TBCD: variants seen among roughly 807,000 people sequenced by gnomAD.
TBCD encodes tubulin folding cofactor D, also known as tubulin-specific chaperone D.
A neutral mutation model predicts 169.3 loss-of-function variants in TBCD; 105 were observed. The observed-to-expected ratio is 0.62, with a 90% CI of 0.53 to 0.73. TBCD has a LOEUF of 0.73. Among genes scored for constraint, TBCD ranks in the 30% least tolerant of loss-of-function variants. TBCD has a pLI of 0.00. For missense variants in TBCD, 1,444 were observed against 1,600.1 expected (o/e 0.90, Z 1.66); for synonymous variants, 700 against 643.9 (o/e 1.09, Z -1.32).
chr17:82,845,183 T>C lies in TBCD; in HGVS notation c.1319-25041T>C, dbSNP rs1158187285. 2.0e-5 allele frequency among the ~76,000 whole-genome samples: 3 copies of C among 152,192 alleles called. No individual in the cohort carries two copies. The East Asian group carries it at 5.8e-4, about 29-fold the overall frequency. On this transcript the variant is annotated intron_variant, in intron 13 of 38. Transcript: ENST00000355528. ...AAGTGCAGTCCTGGTTGAGCTTTCC[T>C]AGTTTCCAGGTCGGGGGTGAGGCAC...
chr17:82,945,658 G>A lies in TBCD; in HGVS notation c.*3195G>A, dbSNP rs2063649142. On this transcript the variant is annotated 3_prime_UTR_variant, in exon 39 of 39. Coordinates refer to ENST00000355528, the MANE Select transcript of TBCD (RefSeq NM_005993.5). ...ATCTTGGCTTAATATTTGGGGTTGA[G>A]TCATTTGTTTTGAGAGCTGTCCTGT... The A allele has an allele frequency of 6.6e-6, 1 of 152,188 alleles. No homozygotes were observed. The highest frequency in any genetic ancestry group is 1.5e-5 in the Non-Finnish European group (1 of 68,040). 9.4% of individuals were successfully genotyped at this position (152,188 alleles called of 1,614,324 possible). A position where few individuals can be genotyped will look rare whatever the true frequency, so the allele number is the denominator to read the frequency against.
intron 33 of TBCD, among the ~76,000 whole-genome samples, chr17:82,931,763 C>A (rs923515976): frequency 1.3e-5 from 2 of 152,196 alleles, no homozygotes; most frequent in Non-Finnish European, 2.9e-5. Context: ...ATGCTCCTGT[C>A]GCCCAGAGGG....
intron 14 of TBCD, among the ~76,000 whole-genome samples, chr17:82,877,235 A>G (rs11650335): frequency 0.26 from 40,220 of 152,204 alleles, 6,051 homozygotes; most frequent in Admixed American, 0.34. Context: ...GTGGCTTTAC[A>G]GGTTTCAAAA....
intron 13 of TBCD, among the ~76,000 whole-genome samples, chr17:82,818,164 T>C (rs1220601779): frequency 6.6e-6 from 1 of 152,240 alleles, no homozygotes. Context: ...GTTCAGAAAC[T>C]GACACGTGAT....
chr17:82,877,063 GTAATT>G, intron 14 of TBCD: 1 of 785,292 alleles, frequency 1.3e-6, no homozygotes, highest in Non-Finnish European at 1.5e-6. Context: ...TTTAAATATA[GTAATT>G]TAAACAAATA....
At position 82,893,627 on chromosome 17, in the gene TBCD, T is replaced by C. The variant is rs1249789515; in HGVS notation, c.1644T>C (p.Val548=). The part of the protein sequence containing the change: ...AVGNRSNCFL[V]ISVFIAGFPE... ...GTAACAGATCCAACTGTTTCCTGGT[T>C]ATAAGGTAAGTCTTTAATGTATATC... The change falls in exon 17 of 39, where the codon GTT becomes GTC. Residue 548 remains valine (V), a synonymous_variant. Coordinates refer to ENST00000355528, the MANE Select transcript of TBCD (RefSeq NM_005993.5). 1 of 1,604,726 alleles carries C rather than the reference T, an allele frequency of 6.2e-7. No individual in the cohort carries two copies. The highest frequency in any genetic ancestry group is 1.1e-5 in the South Asian group (1 of 89,188).
rs1402319540 is a variant in TBCD, at chr17:82,782,790, T to TGTGGCGTCGTCCTGTCTGCG, written c.771+1098_771+1117dup. On this transcript the variant is annotated intron_variant, in intron 7 of 38. Coordinates refer to ENST00000355528, the MANE Select transcript of TBCD (RefSeq NM_005993.5). The surrounding 1 kb of genome is among the most constrained non-coding windows in gnomAD (Gnocchi z 5.1). ...CTATCCGCGGCGTTGTCTTCCTGTC[T>TGTGGCGTCGTCCTGTCTGCG]GTGGCGTCGTCCTGTCTGCGGTGGC... Among the ~76,000 whole-genome samples the TGTGGCGTCGTCCTGTCTGCG allele has an allele frequency of 4.0e-4, 60 of 150,498 alleles. No homozygotes were observed. The highest frequency in any genetic ancestry group is 9.8e-4 in the East Asian group (5 of 5,086).
At chr17:82,901,959 T>TA (rs1230830417) in intron 18 of TBCD, among the ~76,000 whole-genome samples, 8 of 152,318 alleles carry the variant, frequency 5.3e-5, no homozygotes, top group African/African-American at 1.9e-4. Context: ...AAGTTACAGA[T>TA]ATATGCCCGT....
chr17:82,911,887 A>G, intron 23 of TBCD, 98 bp downstream of exon 23: 1 of 1,270,366 alleles, frequency 7.9e-7, no homozygotes, highest in South Asian at 1.2e-5. Context: ...ATTAGCCCCC[A>G]GGGTGAAGGG....
At chr17:82,855,439 T>C (rs2056192303) in intron 13 of TBCD, among the ~76,000 whole-genome samples, 1 of 151,618 alleles carries the variant, frequency 6.6e-6, no homozygotes, top group Non-Finnish European at 1.5e-5. Context: ...GCTAATTTTT[T>C]TTATCTTTTG....
chr17:82,921,621 T>TA (rs1568047648), intron 25 of TBCD, 44 bp downstream of exon 25: 1 of 1,573,318 alleles, frequency 6.4e-7, no homozygotes, highest in Non-Finnish European at 8.7e-7. Flanking sequence ...GTGGCGGTGT[T>TA]AGTGTGTTAG....
At position 82,920,965 on chromosome 17, in the gene TBCD, C is replaced by T. The variant is rs935064854; in HGVS notation, c.2101+347C>T. The stretch of plus-strand genomic sequence containing the variant: ...CGTGGACCAGGAGCGTGCCGGCCGC[C>T]GACACCACGGACCCTGTGGGCAGAG... On this transcript the variant is annotated intron_variant, in intron 24 of 38. Transcript: ENST00000355528. This position sits in a 1 kb window ranked among gnomAD's most constrained non-coding sequence, Gnocchi z 4.1. 34 of 318,338 alleles carry T rather than the reference C, an allele frequency of 1.1e-4. No individual in the cohort carries two copies. Among genetic ancestry groups the T allele is most frequent in the Non-Finnish European group, 1.5e-4 (25 of 172,330 alleles). The allele number at this position is 318,338 out of a possible 1,614,324, so 19.7% of individuals were successfully genotyped here. A position where few individuals can be genotyped will look rare whatever the true frequency, so the allele number is the denominator to read the frequency against.
rs1056914472 is a variant in TBCD, at chr17:82,930,252, C to A, written c.2992-270C>A. ...CGTGAGCGAAACCCAAGGTGAGTGG[C>A]CGCAGCCTTTCGTCACGTGCTCTCC... On this transcript the variant is annotated intron_variant, in intron 32 of 38. Coordinates refer to ENST00000355528, the MANE Select transcript of TBCD (RefSeq NM_005993.5). This position sits in a 1 kb window ranked among gnomAD's most constrained non-coding sequence, Gnocchi z 5.2. The A allele has an allele frequency of 4.2e-6, 2 of 479,490 alleles. No homozygotes were observed. The highest frequency in any genetic ancestry group is 7.5e-5 in the Admixed American group (2 of 26,764). The allele number at this position is 479,490 out of a possible 1,614,324, so 29.7% of individuals were successfully genotyped here. A position where few individuals can be genotyped will look rare whatever the true frequency, so the allele number is the denominator to read the frequency against.
At chr17:82,938,528 G>C (rs968438828) in intron 36 of TBCD, among the ~76,000 whole-genome samples, 1 of 152,206 alleles carries the variant, frequency 6.6e-6, no homozygotes, top group African/African-American at 2.4e-5. Context: ...AACCTCAGAT[G>C]ATACAAAGGT....
At chr17:82,772,979 C>T (rs897838488) in intron 6 of TBCD, among the ~76,000 whole-genome samples, 1 of 152,188 alleles carries the variant, frequency 6.6e-6, no homozygotes. Context: ...CGCAGCAGGC[C>T]TGCGGTGTTG....
At chr17:82,777,423 C>T (rs949263054) in intron 6 of TBCD, among the ~76,000 whole-genome samples, 3 of 152,298 alleles carry the variant, frequency 2.0e-5, no homozygotes, top group African/African-American at 7.2e-5. Flanking sequence ...CACCAAGTTG[C>T]AGAGACCGGT....
At chr17:82,937,656 CG>C in intron 35 of TBCD, 1 of 604,068 alleles carries the variant, frequency 1.7e-6, no homozygotes. Context: ...GCTGCCTCCC[CG>C]ATTCTCCTGT....
In TBCD at chr17:82,806,162, C is replaced by G. The variant is rs2050945907; in HGVS notation, c.1087+151C>G. On this transcript the variant is annotated intron_variant, in intron 10 of 38. Coordinates refer to ENST00000355528, the MANE Select transcript of TBCD (RefSeq NM_005993.5). The surrounding 1 kb of genome is among the most constrained non-coding windows in gnomAD (Gnocchi z 5.1). ...TGAGTGCACGGTCACTGCCCGTCCT[C>G]TGGCTCCTGAACCCAGGCCTGTCCC... Among the ~76,000 whole-genome samples the G allele has an allele frequency of 6.6e-6, 1 of 152,160 alleles. No homozygotes were observed. The highest frequency in any genetic ancestry group is 1.5e-5 in the Non-Finnish European group (1 of 68,032).
At position 82,905,006 on chromosome 17, in the gene TBCD, G is replaced by C. The variant is rs372987563; in HGVS notation, c.1805-930G>C. Among the ~76,000 whole-genome samples, 72 of 152,278 alleles carry C rather than the reference G, an allele frequency of 4.7e-4. 1 individual carries two copies. The highest frequency in any genetic ancestry group is 3.3e-3 in the South Asian group (16 of 4,822). ...TAGCCTCTCTGATTCTCAAACCATC[G>C]CAAGCCTGGCAGCACTTGGGGAGGC... On this transcript the variant is annotated intron_variant, in intron 19 of 38. Coordinates refer to ENST00000355528, the MANE Select transcript of TBCD (RefSeq NM_005993.5).
Sources: allele counts gnomAD v4.1 joint callset (sites outside exome capture counted in the v4.1 genomes callset), GRCh38; gene constraint gnomAD v4.1.1; non-coding constraint Gnocchi (gnomAD v3.1); transcripts MANE v1.5; gene names NCBI Gene and HGNC (gene_info 2026-07-23, HGNC 2026-07-21).